SZRD1: variants seen among roughly 807,000 people sequenced by gnomAD.
SZRD1 encodes the protein SUZ RNA-binding domain-containing.
Under a neutral mutation model 17.6 loss-of-function variants are expected in SZRD1, and 7 were observed. The ratio of observed to expected loss-of-function variants is 0.40; its 90% CI spans 0.23 to 0.75. The LOEUF (loss-of-function observed/expected upper bound fraction) is 0.75, where lower values mean the gene tolerates loss of function less well. SZRD1 is among the 30% of genes least tolerant of loss of function. The pLI is 0.38. For missense variants in SZRD1, 178 were observed against 201.8 expected (o/e 0.88, Z 0.71); for synonymous variants, 77 against 77.9 (o/e 0.99, Z 0.06).
rs186660218 is a variant in SZRD1 at position 16,369,862 on chromosome 1, C to T, written c.51+2554C>T. Among the ~76,000 whole-genome samples the T allele has an allele frequency of 3.3e-3, 490 of 147,178 alleles. 1 individual carries two copies. Among genetic ancestry groups the T allele is most frequent in the South Asian group, 0.019 (91 of 4,696 alleles). On this transcript the variant is annotated intron_variant, in intron 1 of 3. Coordinates refer to ENST00000401088, the MANE Select transcript of SZRD1 (RefSeq NM_001114600.3). The stretch of plus-strand genomic sequence containing the variant: ...CGAGATCATGCCATTGCACTCCAGC[C>T]TGGGCAACAAGAGTGAAACTCCATC...
intron 1 of SZRD1, among the ~76,000 whole-genome samples, chr1:16,390,916 G>A (rs2085212528): frequency 1.3e-5 from 2 of 152,134 alleles, no homozygotes; most frequent in African/African-American, 2.4e-5. Context: ...GTAAAAGAAG[G>A]TATGGGTGAG....
intron 1 of SZRD1, among the ~76,000 whole-genome samples, chr1:16,375,427 G>A (rs904128337): frequency 6.6e-5 from 10 of 151,928 alleles, no homozygotes; most frequent in African/African-American, 2.4e-4. Flanking sequence ...CAATTCTCAT[G>A]CCTCACCCTC....
At chr1:16,370,079 C>A (rs185910861) in intron 1 of SZRD1, among the ~76,000 whole-genome samples, 2 of 152,068 alleles carry the variant, frequency 1.3e-5, no homozygotes, top group South Asian at 4.1e-4. Flanking sequence ...ACCTGTTTTG[C>A]GCAAGATCAC....
chr1:16,367,373 GA>G, intron 1 of SZRD1, 65 bp downstream of exon 1: 1 of 1,461,716 alleles, frequency 6.8e-7, no homozygotes, highest in African/African-American at 1.4e-5. Context: ...AGCCTCCGGG[GA>G]GCGGGTCTGG....
At chr1:16,382,394 G>T (rs148383759) in intron 1 of SZRD1, among the ~76,000 whole-genome samples, 1 of 152,044 alleles carries the variant, frequency 6.6e-6, no homozygotes, top group East Asian at 1.9e-4. Context: ...CACCATGTTG[G>T]CCAGGCTGGT....
chr1:16,382,227 G>A (rs1273816468), intron 1 of SZRD1, among the ~76,000 whole-genome samples: 15 of 151,172 alleles, frequency 9.9e-5, no homozygotes, highest in Non-Finnish European at 1.8e-4. Flanking sequence ...CTTGTCTGTC[G>A]CCCAGGCTGG....
At chr1:16,373,725 T>G (rs2082950988) in intron 1 of SZRD1, among the ~76,000 whole-genome samples, 1 of 151,390 alleles carries the variant, frequency 6.6e-6, no homozygotes, top group Admixed American at 6.6e-5. Context: ...AGCCTCAACC[T>G]CCCGAGTAGC....
At chr1:16,390,312 G>T (rs1422006513) in intron 1 of SZRD1, among the ~76,000 whole-genome samples, 1 of 152,188 alleles carries the variant, frequency 6.6e-6, no homozygotes, top group Non-Finnish European at 1.5e-5. Context: ...GGTGTCATAG[G>T]CATGCTGGTG....
At chr1:16,373,046 A>C (rs767261066) in intron 1 of SZRD1, among the ~76,000 whole-genome samples, 29 of 152,052 alleles carry the variant, frequency 1.9e-4, no homozygotes, top group Non-Finnish European at 4.0e-4. Context: ...GAGGAGGCCG[A>C]GAGACAAATA....
At chr1:16,369,075 C>A (rs1356432831) in intron 1 of SZRD1, 1 of 303,630 alleles carries the variant, frequency 3.3e-6, no homozygotes, top group Non-Finnish European at 6.0e-6. Flanking sequence ...ACGCTTGTCG[C>A]GTGTTCTTTC....
At chr1:16,382,116 C>A (rs900220089) in intron 1 of SZRD1, among the ~76,000 whole-genome samples, 2 of 151,944 alleles carry the variant, frequency 1.3e-5, no homozygotes, top group African/African-American at 4.8e-5. Flanking sequence ...TTAGTAGAGA[C>A]CCGTAGGCCA....
chr1:16,382,523 C>G (rs2083122657), intron 1 of SZRD1, among the ~76,000 whole-genome samples: 1 of 140,492 alleles, frequency 7.1e-6, no homozygotes, highest in South Asian at 2.3e-4. Flanking sequence ...TTAATGGAGT[C>G]TCACTCTGTC....
At chr1:16,390,178 A>G (rs572289484) in intron 1 of SZRD1, among the ~76,000 whole-genome samples, 1 of 152,288 alleles carries the variant, frequency 6.6e-6, no homozygotes, top group South Asian at 2.1e-4. Context: ...TGGCTGAGGG[A>G]GTGGGACTTT....
intron 1 of SZRD1, chr1:16,367,633 T>G (rs1057225355): frequency 2.4e-6 from 1 of 408,562 alleles, no homozygotes; most frequent in East Asian, 4.7e-5. Context: ...CTCTTTCCGA[T>G]GAGCCTTGTG....
At chr1:16,387,965 C>G (rs925996488) in intron 1 of SZRD1, among the ~76,000 whole-genome samples, 4 of 152,126 alleles carry the variant, frequency 2.6e-5, no homozygotes, top group African/African-American at 9.7e-5. Context: ...ACATCCAGGT[C>G]GTTCTCTTAT....
intron 1 of SZRD1, among the ~76,000 whole-genome samples, chr1:16,389,281 G>GTA (rs1557630164): frequency 1.5e-5 from 2 of 137,582 alleles, no homozygotes; most frequent in African/African-American, 5.4e-5. Context: ...GGGGGTGGGG[G>GTA]GGGGGCAGAG....
intron 1 of SZRD1, among the ~76,000 whole-genome samples, chr1:16,384,141 G>A (rs1190992878): frequency 6.6e-6 from 1 of 152,110 alleles, no homozygotes; most frequent in Non-Finnish European, 1.5e-5. Flanking sequence ...ACCAGGCCAG[G>A]ACACTGTCAC....
intron 3 of SZRD1, among the ~76,000 whole-genome samples, chr1:16,394,625 G>A (rs1169657987): frequency 3.3e-5 from 5 of 152,172 alleles, no homozygotes; most frequent in East Asian, 1.9e-4. Flanking sequence ...GCAGGCTTGC[G>A]GAGCCAGAGT....
chr1:16,395,449 C>T lies in SZRD1; in HGVS notation c.*309C>T. 1 of 389,036 alleles carries T rather than the reference C, an allele frequency of 2.6e-6. No homozygotes were observed. Among genetic ancestry groups the T allele is most frequent in the South Asian group, 2.7e-5 (1 of 37,294 alleles). The allele number at this position is 389,036 out of a possible 1,614,324, so 24.1% of individuals were successfully genotyped here. A position where few individuals can be genotyped will look rare whatever the true frequency, so the allele number is the denominator to read the frequency against. On this transcript the variant is annotated 3_prime_UTR_variant, in exon 4 of 4. Coordinates refer to ENST00000401088, the MANE Select transcript of SZRD1 (RefSeq NM_001114600.3). ...AAGGACTCAGAGAGTCAGACAGTGC[C>T]ACTTGGCCACTTGGGGTAAAGCCAG...
Sources: gnomAD v4.1 joint callset for allele counts (sites outside exome capture counted in the v4.1 genomes callset) on GRCh38, gnomAD v4.1.1 for gene constraint, MANE v1.5 for transcripts, NCBI Gene and HGNC (gene_info 2026-07-23, HGNC 2026-07-21) for gene names.